HTR7: variants seen among roughly 807,000 people sequenced by gnomAD.
HTR7 encodes 5-HT-7.
In HTR7, 16 loss-of-function variants were observed where a neutral mutation model predicts 34.0. The ratio of observed to expected loss-of-function variants is 0.47; its 90% CI spans 0.32 to 0.71. The LOEUF (loss-of-function observed/expected upper bound fraction) is 0.71. Among genes scored for constraint, HTR7 ranks in the 30% least tolerant of loss-of-function variants. The pLI, the probability that HTR7 is intolerant of heterozygous loss-of-function variation, is 0.04. For missense variants in HTR7, 504 were observed against 625.5 expected, an observed-to-expected ratio of 0.81 and a Z score of 2.07; for synonymous variants, 265 against 260.2, an observed-to-expected ratio of 1.02 and a Z score of -0.18.
chr10:90,812,553 T>C (rs1845829723), intron 1 of HTR7, among the ~76,000 whole-genome samples: 1 of 152,216 alleles, frequency 6.6e-6, no homozygotes, highest in Non-Finnish European at 1.5e-5. Flanking sequence ...TACAAAACCA[T>C]ATCCAGGCCA....
chr10:90,742,195 C>T lies in HTR7; in HGVS notation c.*287G>A. 1 of 256,848 alleles carries T rather than the reference C, an allele frequency of 3.9e-6. No individual in the cohort carries two copies. Among genetic ancestry groups the T allele is most frequent in the East Asian group, 7.2e-5 (1 of 13,828 alleles). The allele number at this position is 256,848 out of a possible 1,614,324, so 15.9% of individuals were successfully genotyped here. A position where few individuals can be genotyped will look rare whatever the true frequency, so the allele number is the denominator to read the frequency against. On this transcript the variant is annotated 3_prime_UTR_variant, in exon 4 of 4. Coordinates refer to ENST00000336152, the MANE Select transcript of HTR7 (RefSeq NM_019859.4). Reference sequence around the variant, plus strand: ...TGCATGGATTTGGACATATGCAAAGCACCAGAAACTGCTTCCTTTCTGGAA... The same window carrying T: ...TGCATGGATTTGGACATATGCAAAGTACCAGAAACTGCTTCCTTTCTGGAA...
In HTR7 at chr10:90,741,441, T is replaced by C. The variant is rs1844541256; in HGVS notation, c.*1041A>G. On this transcript the variant is annotated 3_prime_UTR_variant, in exon 4 of 4. Coordinates refer to ENST00000336152, the MANE Select transcript of HTR7 (RefSeq NM_019859.4). ...AGATACATAGAACACAAAAACAAAT[T>C]CTCTAGAAGGAACAGACTGGTGTTC... 1 of 152,178 alleles carries C rather than the reference T, an allele frequency of 6.6e-6. No homozygotes were observed. The highest frequency in any genetic ancestry group is 2.4e-5 in the African/African-American group (1 of 41,428). 9.4% of individuals were successfully genotyped at this position (152,178 alleles called of 1,614,324 possible). A position where few individuals can be genotyped will look rare whatever the true frequency, so the allele number is the denominator to read the frequency against.
chr10:90,772,979 C>A (rs1164312480), intron 1 of HTR7, among the ~76,000 whole-genome samples: 1 of 152,188 alleles, frequency 6.6e-6, no homozygotes, highest in Non-Finnish European at 1.5e-5. Context: ...TGAGTTTTCT[C>A]ACTCCAGAGC....
intron 1 of HTR7, among the ~76,000 whole-genome samples, chr10:90,855,903 A>C (rs2901026): frequency 0.19 from 29,579 of 152,130 alleles, 3,209 homozygotes; most frequent in African/African-American, 0.3. Context: ...TCCCTTTTCT[A>C]TTATTTCCTT....
intron 1 of HTR7, among the ~76,000 whole-genome samples, chr10:90,789,261 AT>A (rs1845429838): frequency 6.6e-6 from 1 of 152,174 alleles, no homozygotes; most frequent in Admixed American, 6.5e-5. Flanking sequence ...TTCTCAAGCA[AT>A]TCTCAAGGCC....
At chr10:90,814,158 G>C (rs1845861384) in intron 1 of HTR7, among the ~76,000 whole-genome samples, 1 of 152,168 alleles carries the variant, frequency 6.6e-6, no homozygotes, top group Non-Finnish European at 1.5e-5. Context: ...TTCATAGCTA[G>C]CCTAGTGGAC....
At chr10:90,809,016 T>C (rs952552485) in intron 1 of HTR7, among the ~76,000 whole-genome samples, 3 of 152,244 alleles carry the variant, frequency 2.0e-5, no homozygotes, top group African/African-American at 7.2e-5. Flanking sequence ...CAAATCTTCC[T>C]TCTTTCCCTC....
At chr10:90,837,999 C>G (rs895765513) in intron 1 of HTR7, among the ~76,000 whole-genome samples, 6 of 152,170 alleles carry the variant, frequency 3.9e-5, no homozygotes, top group African/African-American at 1.4e-4. Flanking sequence ...TTAAGCATTG[C>G]TGGGTCCTTC....
chr10:90,826,903 C>T (rs914279715), intron 1 of HTR7, among the ~76,000 whole-genome samples: 10 of 151,780 alleles, frequency 6.6e-5, no homozygotes, highest in Non-Finnish European at 1.5e-4. Context: ...TGCCACTGCA[C>T]TCCAGCCTGG....
chr10:90,830,936 C>T (rs1028907696), intron 1 of HTR7, among the ~76,000 whole-genome samples: 2 of 152,182 alleles, frequency 1.3e-5, no homozygotes, highest in African/African-American at 2.4e-5. Context: ...GGAGGATCTC[C>T]AGACAAGAGG....
At chr10:90,849,722 T>G (rs937910104) in intron 1 of HTR7, among the ~76,000 whole-genome samples, 6 of 152,234 alleles carry the variant, frequency 3.9e-5, no homozygotes, top group Non-Finnish European at 7.3e-5. Flanking sequence ...TTTAAAATAT[T>G]TCAGGCACAT....
chr10:90,851,739 A>C (rs1402732612), intron 1 of HTR7, among the ~76,000 whole-genome samples: 1 of 152,114 alleles, frequency 6.6e-6, no homozygotes, highest in East Asian at 1.9e-4. Context: ...TCTCACCTTG[A>C]ATTGTAATAA....
intron 1 of HTR7, among the ~76,000 whole-genome samples, chr10:90,843,574 T>C (rs1589479164): frequency 6.6e-6 from 1 of 152,040 alleles, no homozygotes. Context: ...AGACCCAGTG[T>C]CAAGGAACTG....
intron 1 of HTR7, among the ~76,000 whole-genome samples, chr10:90,806,689 C>A (rs550056478): frequency 1.3e-5 from 2 of 152,204 alleles, no homozygotes; most frequent in South Asian, 4.2e-4. Flanking sequence ...AGCAATGGAT[C>A]CAGCTCCTGG....
intron 1 of HTR7, among the ~76,000 whole-genome samples, chr10:90,763,206 T>C (rs931977826): frequency 1.3e-5 from 2 of 152,184 alleles, no homozygotes; most frequent in African/African-American, 2.4e-5. Flanking sequence ...TGCATTGAAT[T>C]TGTAGATTGT....
intron 1 of HTR7, among the ~76,000 whole-genome samples, chr10:90,855,693 T>C (rs2120140003): frequency 6.6e-6 from 1 of 152,338 alleles, no homozygotes; most frequent in South Asian, 2.1e-4. Flanking sequence ...CATTCTTAAC[T>C]ACTGTAATTC....
chr10:90,747,059 G>A (rs1297716138), intron 2 of HTR7, among the ~76,000 whole-genome samples: 1 of 152,194 alleles, frequency 6.6e-6, no homozygotes, highest in Non-Finnish European at 1.5e-5. Context: ...AAGCATCGGG[G>A]TGATTCATAT....
intron 1 of HTR7, among the ~76,000 whole-genome samples, chr10:90,790,398 T>G (rs1223954715): frequency 6.6e-6 from 1 of 152,224 alleles, no homozygotes; most frequent in East Asian, 1.9e-4. Flanking sequence ...GGTCTTTTTC[T>G]GTTTTGATTT....
At chr10:90,806,404 C>T (rs1399493781) in intron 1 of HTR7, among the ~76,000 whole-genome samples, 3 of 151,992 alleles carry the variant, frequency 2.0e-5, no homozygotes, top group Non-Finnish European at 4.4e-5. Flanking sequence ...CGAGACCGTC[C>T]TGGCCAACAC....
Sources: gnomAD v4.1 joint callset for allele counts (sites outside exome capture counted in the v4.1 genomes callset) on GRCh38, gnomAD v4.1.1 for gene constraint, MANE v1.5 for transcripts, NCBI Gene and HGNC (gene_info 2026-07-23, HGNC 2026-07-21) for gene names.